NALF1: variants seen among roughly 807,000 people sequenced by gnomAD.
NALF1 encodes the protein family with sequence similarity 155 member A.
NALF1 carries 3 observed loss-of-function variants against 48.4 expected under a neutral mutation model. The ratio of observed to expected loss-of-function variants is 0.06; its 90% CI spans 0.03 to 0.16. The LOEUF (loss-of-function observed/expected upper bound fraction) is 0.16. Ranked by LOEUF, NALF1 falls within the 10% of genes least tolerant of loss-of-function variation. The probability of loss-of-function intolerance (pLI) is 1.00; values close to 1 mark genes in which losing one functional copy is unlikely to be tolerated. For missense variants in NALF1, 526 were observed against 571.5 expected (o/e 0.92, Z 0.81); for synonymous variants, 262 against 245.7 (o/e 1.07, Z -0.62).
At chr13:107,462,249 A>C (rs1455381796) in intron 1 of NALF1, among the ~76,000 whole-genome samples, 1 of 152,242 alleles carries the variant, frequency 6.6e-6, no homozygotes, top group East Asian at 1.9e-4. Context: ...ATGCAAATAC[A>C]AAATGTGAAG....
At chr13:107,281,116 T>C (rs1047547743) in intron 1 of NALF1, among the ~76,000 whole-genome samples, 1 of 152,312 alleles carries the variant, frequency 6.6e-6, no homozygotes, top group East Asian at 1.9e-4. Context: ...TCCAAAAATA[T>C]CTATTGAGTG....
At chr13:107,359,680 A>G (rs925729207) in intron 1 of NALF1, among the ~76,000 whole-genome samples, 5 of 151,554 alleles carry the variant, frequency 3.3e-5, no homozygotes, top group African/African-American at 1.2e-4. Context: ...TAGGAACCAA[A>G]TAAAAAATGT....
At chr13:107,590,559 T>C (rs567089707) in intron 1 of NALF1, among the ~76,000 whole-genome samples, 74 of 152,070 alleles carry the variant, frequency 4.9e-4, no homozygotes, top group African/African-American at 1.8e-3. Context: ...GTATATTTGG[T>C]GACATCAAGA....
At chr13:107,620,219 T>C (rs1594165230) in intron 1 of NALF1, among the ~76,000 whole-genome samples, 1 of 152,100 alleles carries the variant, frequency 6.6e-6, no homozygotes, top group Non-Finnish European at 1.5e-5. Flanking sequence ...CACAATTTGA[T>C]GGTGAGCCAG....
intron 1 of NALF1, among the ~76,000 whole-genome samples, chr13:107,458,887 A>T (rs1884870378): frequency 6.6e-6 from 1 of 152,274 alleles, no homozygotes; most frequent in South Asian, 2.1e-4. Flanking sequence ...TGGTTTTCAG[A>T]AAAATGAGCA....
In NALF1 at chr13:107,540,143, G is replaced by A. The variant is rs147498552; in HGVS notation, c.915+325539C>T. On this transcript the variant is annotated intron_variant, in intron 1 of 2. Coordinates refer to ENST00000375915, the MANE Select transcript of NALF1 (RefSeq NM_001080396.3). ...CCCATCAGAAAAACACAGCTAAGTC[G>A]TTGCTTGTTATGATTCAAGGAATGC... Among the ~76,000 whole-genome samples the A allele has an allele frequency of 1.8e-3, 275 of 151,598 alleles. 2 individuals carry two copies. Among genetic ancestry groups the A allele is most frequent in the Non-Finnish European group, 3.0e-3 (206 of 67,936 alleles).
intron 1 of NALF1, among the ~76,000 whole-genome samples, chr13:107,758,794 T>C: frequency 6.6e-6 from 1 of 152,132 alleles, no homozygotes; most frequent in East Asian, 1.9e-4. Context: ...AAAATACAAG[T>C]TTGAAATAAG....
At chr13:107,638,691 G>A (rs1880059439) in intron 1 of NALF1, among the ~76,000 whole-genome samples, 2 of 152,162 alleles carry the variant, frequency 1.3e-5, no homozygotes, top group South Asian at 4.1e-4. Flanking sequence ...AGTAGAGTCA[G>A]GAAGACCTCT....
At chr13:107,280,739 T>A (rs1206393078) in intron 1 of NALF1, among the ~76,000 whole-genome samples, 1 of 152,190 alleles carries the variant, frequency 6.6e-6, no homozygotes, top group Non-Finnish European at 1.5e-5. Flanking sequence ...CAGCTCTAAT[T>A]AAACGGCAAA....
intron 1 of NALF1, among the ~76,000 whole-genome samples, chr13:107,474,633 T>C (rs1308130085): frequency 2.6e-5 from 4 of 152,202 alleles, no homozygotes; most frequent in African/African-American, 9.6e-5. Context: ...TAGGTGTTTA[T>C]TGTGTTATTC....
intron 1 of NALF1, among the ~76,000 whole-genome samples, chr13:107,628,807 T>C (rs750642046): frequency 6.6e-6 from 1 of 152,208 alleles, no homozygotes. Context: ...TTAATAATCA[T>C]GGCATCTAGA....
At chr13:107,823,985 T>TATA (rs1231296927) in intron 1 of NALF1, among the ~76,000 whole-genome samples, 1 of 151,524 alleles carries the variant, frequency 6.6e-6, no homozygotes, top group Non-Finnish European at 1.5e-5. Context: ...CTGTTATTAT[T>TATA]ATTATTATTA....
intron 2 of NALF1, among the ~76,000 whole-genome samples, chr13:107,178,694 A>AG (rs1183945804): frequency 2.6e-5 from 4 of 152,186 alleles, no homozygotes; most frequent in Admixed American, 6.5e-5. Flanking sequence ...ACCTAATCCC[A>AG]GCACTTTGGC....
chr13:107,196,168 G>A (rs1168611035), intron 2 of NALF1, among the ~76,000 whole-genome samples: 3 of 152,180 alleles, frequency 2.0e-5, no homozygotes, highest in African/African-American at 7.2e-5. Flanking sequence ...GGTGGAAGAA[G>A]GGAGAGGATC....
chr13:107,597,031 T>C (rs915999375), intron 1 of NALF1, among the ~76,000 whole-genome samples: 2 of 152,164 alleles, frequency 1.3e-5, no homozygotes, highest in Non-Finnish European at 2.9e-5. Flanking sequence ...CTGCTTCAGT[T>C]TTCTATTTGC....
At chr13:107,213,243 A>AAAAAAG (rs1555326885) in intron 1 of NALF1, among the ~76,000 whole-genome samples, 3 of 150,714 alleles carry the variant, frequency 2.0e-5, no homozygotes, top group Admixed American at 6.6e-5. Context: ...AAAAAAAAAA[A>AAAAAAG]AAAAAAAGAA....
At chr13:107,558,225 G>A (rs140644989) in intron 1 of NALF1, among the ~76,000 whole-genome samples, 220 of 151,920 alleles carry the variant, frequency 1.4e-3, no homozygotes, top group African/African-American at 4.9e-3. Flanking sequence ...AATATTCCTT[G>A]AGTCTCTTTT....
At chr13:107,746,390 A>G (rs1311439435) in intron 1 of NALF1, among the ~76,000 whole-genome samples, 6 of 152,190 alleles carry the variant, frequency 3.9e-5, no homozygotes, top group Non-Finnish European at 8.8e-5. Flanking sequence ...CGATAACTGA[A>G]TCTATATATA....
chr13:107,457,799 T>C (rs773094079), intron 1 of NALF1, among the ~76,000 whole-genome samples: 2 of 152,214 alleles, frequency 1.3e-5, no homozygotes, highest in Non-Finnish European at 2.9e-5. Flanking sequence ...CTGTTCCATT[T>C]ATTTACTTAT....
Sources: allele counts gnomAD v4.1 joint callset (sites outside exome capture counted in the v4.1 genomes callset), GRCh38; gene constraint gnomAD v4.1.1; transcripts MANE v1.5; gene names NCBI Gene and HGNC (gene_info 2026-07-23, HGNC 2026-07-21).